Variants in SGCD observed in about 807,000 individuals in gnomAD.
The protein encoded by SGCD is delta-sarcoglycan.
A neutral mutation model predicts 36.6 loss-of-function variants in SGCD; 18 were observed. That is an observed-to-expected ratio of 0.49 (90% CI 0.34 to 0.73). The LOEUF is 0.73. Ranked by LOEUF, SGCD falls within the 30% of genes least tolerant of loss-of-function variation. The pLI is 0.01. For missense variants in SGCD, 387 were observed against 346.7 expected (o/e 1.12, Z -0.92); for synonymous variants, 133 against 130.6 (o/e 1.02, Z -0.12).
At chr5:155,871,112 C>T (rs200489173) in intron 1 of SGCD, among the ~76,000 whole-genome samples, 134 of 151,940 alleles carry the variant, frequency 8.8e-4, no homozygotes, top group Non-Finnish European at 1.7e-3. Context: ...GAGAGAGGAC[C>T]CAACAGAGGC....
At chr5:156,522,341 A>G (rs1010175917) in intron 4 of SGCD, among the ~76,000 whole-genome samples, 1 of 152,140 alleles carries the variant, frequency 6.6e-6, no homozygotes, top group African/African-American at 2.4e-5. Context: ...TTAAAGTATA[A>G]TAATAAAAAA....
chr5:156,185,003 C>T (rs1763701290), intron 3 of SGCD, among the ~76,000 whole-genome samples: 1 of 152,088 alleles, frequency 6.6e-6, no homozygotes, highest in Non-Finnish European at 1.5e-5. Flanking sequence ...CATTATGAGC[C>T]TTCAAAACAC....
the SGCD span, among the ~76,000 whole-genome samples, chr5:155,739,939 G>A: frequency 6.6e-6 from 1 of 151,958 alleles, no homozygotes; most frequent in Non-Finnish European, 1.5e-5. Context: ...TTATAGCATG[G>A]GGAATTACTA....
At chr5:155,994,668 C>G (rs1313684944) in intron 1 of SGCD, among the ~76,000 whole-genome samples, 1 of 152,104 alleles carries the variant, frequency 6.6e-6, no homozygotes, top group East Asian at 1.9e-4. Flanking sequence ...TAATTGTTTC[C>G]CCATCCTTGT....
intron 3 of SGCD, among the ~76,000 whole-genome samples, chr5:156,235,481 AC>A (rs1409429478): frequency 6.6e-6 from 1 of 152,240 alleles, no homozygotes; most frequent in Non-Finnish European, 1.5e-5. Flanking sequence ...GAAATATCAG[AC>A]TTGGATATGC....
At chr5:156,706,951 T>C (rs1754768476) in intron 7 of SGCD, among the ~76,000 whole-genome samples, 1 of 152,212 alleles carries the variant, frequency 6.6e-6, no homozygotes, top group African/African-American at 2.4e-5. Context: ...CATCCTTCTG[T>C]CATTTCTTAC....
At chr5:156,309,054 T>C (rs886173077) in intron 3 of SGCD, among the ~76,000 whole-genome samples, 1 of 152,208 alleles carries the variant, frequency 6.6e-6, no homozygotes, top group African/African-American at 2.4e-5. Flanking sequence ...ATTACCTCTC[T>C]ATTGCTGCAT....
At chr5:155,796,030 C>T in the SGCD span, among the ~76,000 whole-genome samples, 2 of 152,156 alleles carry the variant, frequency 1.3e-5, no homozygotes, top group Non-Finnish European at 2.9e-5. Context: ...GACCTGAACA[C>T]ACCTTCTCTA....
chr5:155,935,912 C>CA (rs1757186526), intron 1 of SGCD, among the ~76,000 whole-genome samples: 1 of 152,190 alleles, frequency 6.6e-6, no homozygotes, highest in South Asian at 2.1e-4. Flanking sequence ...CCACTGCACA[C>CA]AGTCAGGCAC....
chr5:156,355,658 A>G (rs1209118398), intron 3 of SGCD, among the ~76,000 whole-genome samples: 1 of 152,208 alleles, frequency 6.6e-6, no homozygotes, highest in African/African-American at 2.4e-5. Context: ...TTTCTGTGAG[A>G]CAGAGTCTGA....
rs538427346 is a variant in SGCD, at chr5:156,080,684, T to G, written c.-281-37194T>G. Among the ~76,000 whole-genome samples the G allele has an allele frequency of 2.0e-5, 3 of 152,330 alleles. No homozygotes were observed. In the South Asian group the frequency reaches 6.2e-4, roughly 32 times the overall value. On this transcript the variant is annotated intron_variant, in intron 1 of 9. Coordinates refer to the SGCD transcript ENST00000517913. ...AGGGCATGAACACAATGCAGCCCAG[T>G]TCTTTGCTATGGCATAAAATGGGTG...
At chr5:156,360,896 A>G (rs567114950) in intron 3 of SGCD, among the ~76,000 whole-genome samples, 1 of 152,206 alleles carries the variant, frequency 6.6e-6, no homozygotes, top group East Asian at 1.9e-4. Context: ...CTTGGCGCCC[A>G]CCAAGAGTAG....
intron 1 of SGCD, among the ~76,000 whole-genome samples, chr5:156,069,940 T>C (rs939987898): frequency 1.2e-4 from 19 of 152,188 alleles, no homozygotes; most frequent in Non-Finnish European, 2.5e-4. Context: ...TTGTCTGTTA[T>C]TGGTGTATAA....
At chr5:155,979,991 T>C (rs1203888256) in intron 1 of SGCD, among the ~76,000 whole-genome samples, 1 of 152,112 alleles carries the variant, frequency 6.6e-6, no homozygotes, top group African/African-American at 2.4e-5. Context: ...CTTCATGACC[T>C]AATCACCTCT....
At chr5:156,041,715 A>G (rs1356993723) in intron 1 of SGCD, among the ~76,000 whole-genome samples, 1 of 152,196 alleles carries the variant, frequency 6.6e-6, no homozygotes, top group Non-Finnish European at 1.5e-5. Context: ...CATGTGTTGC[A>G]GGGCATGCAA....
At chr5:156,565,621 C>T (rs554574525) in intron 4 of SGCD, among the ~76,000 whole-genome samples, 66 of 152,094 alleles carry the variant, frequency 4.3e-4, no homozygotes, top group African/African-American at 1.4e-3. Context: ...AAGGTATATA[C>T]GTGCCATGGT....
At chr5:156,577,267 A>G (rs994041633) in intron 4 of SGCD, among the ~76,000 whole-genome samples, 1 of 151,974 alleles carries the variant, frequency 6.6e-6, no homozygotes, top group African/African-American at 2.4e-5. Flanking sequence ...GTTCTGTTCC[A>G]TTGGTCTATA....
chr5:156,376,806 G>A (rs1288409109), intron 3 of SGCD, among the ~76,000 whole-genome samples: 1 of 151,984 alleles, frequency 6.6e-6, no homozygotes, highest in African/African-American at 2.4e-5. Flanking sequence ...AACAAAAGTG[G>A]CCCAAGGTGC....
At chr5:156,377,199 T>C (rs1770718550) in intron 3 of SGCD, among the ~76,000 whole-genome samples, 2 of 152,228 alleles carry the variant, frequency 1.3e-5, no homozygotes, top group Non-Finnish European at 2.9e-5. Flanking sequence ...ATTCATCTGA[T>C]AAGCATCTTA....
Sources: allele counts gnomAD v4.1 joint callset (sites outside exome capture counted in the v4.1 genomes callset), GRCh38; gene constraint gnomAD v4.1.1; transcripts MANE v1.5; gene names NCBI Gene and HGNC (gene_info 2026-07-23, HGNC 2026-07-21).